The following DPP6 variants were observed in gnomAD, a reference collection of about 807,000 sequenced individuals.
DPP6 encodes the protein dipeptidyl peptidase like 6, also known as A-type potassium channel modulatory protein DPP6.
In DPP6, 69 loss-of-function variants were observed where a neutral mutation model predicts 122.6. The observed-to-expected ratio is 0.56, with a 90% CI of 0.46 to 0.69. The LOEUF (loss-of-function observed/expected upper bound fraction) is 0.69. Ranked by LOEUF, DPP6 falls within the 30% of genes least tolerant of loss-of-function variation. The pLI is 0.00. For missense variants in DPP6, 928 were observed against 1,116.9 expected, an observed-to-expected ratio of 0.83 and a Z score of 2.41; for synonymous variants, 418 against 433.1, an observed-to-expected ratio of 0.97 and a Z score of 0.43.
chr7:154,834,084 G>A (rs930067064), intron 16 of DPP6, among the ~76,000 whole-genome samples: 3 of 152,060 alleles, frequency 2.0e-5, no homozygotes, highest in Admixed American at 6.5e-5. Flanking sequence ...CAGGGTGGGC[G>A]GACACTCAGC....
At chr7:153,748,209 G>A in the DPP6 span, among the ~76,000 whole-genome samples, 1 of 151,992 alleles carries the variant, frequency 6.6e-6, no homozygotes. Flanking sequence ...CTCCTCCTCC[G>A]CCCACTCCAC....
intron 5 of DPP6, among the ~76,000 whole-genome samples, chr7:154,599,999 T>C (rs1474387713): frequency 6.6e-6 from 1 of 152,210 alleles, no homozygotes; most frequent in Non-Finnish European, 1.5e-5. Flanking sequence ...TCTATCCTTT[T>C]CTTCATAAAA....
chr7:153,870,581 T>G, the DPP6 span, among the ~76,000 whole-genome samples: 1 of 152,196 alleles, frequency 6.6e-6, no homozygotes, highest in Admixed American at 6.5e-5. Flanking sequence ...TTAACTTCTT[T>G]GCCATTGGTT....
At chr7:154,882,002 A>C (rs920416353) in intron 21 of DPP6, among the ~76,000 whole-genome samples, 1 of 152,202 alleles carries the variant, frequency 6.6e-6, no homozygotes, top group African/African-American at 2.4e-5. Flanking sequence ...ACTTCCCAGC[A>C]GACTGGCAGC....
intron 1 of DPP6, among the ~76,000 whole-genome samples, chr7:154,044,062 T>A (rs1233000108): frequency 1.3e-5 from 2 of 151,034 alleles, no homozygotes; most frequent in African/African-American, 2.4e-5. Flanking sequence ...CAGCTGAGAG[T>A]CACTGTTGTT....
chr7:154,284,318 A>C, intron 1 of DPP6, among the ~76,000 whole-genome samples: 1 of 152,248 alleles, frequency 6.6e-6, no homozygotes, highest in Admixed American at 6.5e-5. Context: ...TTAACAAATT[A>C]GTTATGTTTC....
chr7:154,803,437 TTC>T (rs1479389557), intron 13 of DPP6, among the ~76,000 whole-genome samples: 6 of 152,198 alleles, frequency 3.9e-5, no homozygotes, highest in African/African-American at 7.2e-5. Context: ...CCGTTTATTC[TTC>T]TCTCTTTTTC....
At position 154,196,218 on chromosome 7, in the gene DPP6, G is replaced by A. The variant is rs1003418137; in HGVS notation, c.243+143155G>A. On this transcript the variant is annotated intron_variant, in intron 1 of 25. Transcript: ENST00000377770. ...AAGAACTTACAAATGGGCCGGGCAC[G>A]GTGGCTCATGCCTGTAATCCCAGCA... 3.3e-5 allele frequency among the ~76,000 whole-genome samples: 5 copies of A among 152,264 alleles called. No individual in the cohort carries two copies. In the East Asian group the frequency reaches 5.8e-4, roughly 18 times the overall value.
At chr7:154,301,497 G>A (rs137956575) in intron 1 of DPP6, among the ~76,000 whole-genome samples, 119 of 152,200 alleles carry the variant, frequency 7.8e-4, no homozygotes, top group African/African-American at 2.6e-3. Context: ...CTCTTGGTCT[G>A]CACAACTTTA....
intron 4 of DPP6, among the ~76,000 whole-genome samples, chr7:154,566,374 C>A (rs1163035020): frequency 2.6e-5 from 4 of 152,112 alleles, no homozygotes; most frequent in Non-Finnish European, 5.9e-5. Flanking sequence ...CTCTGCCTCC[C>A]AGGTTCAAGT....
At chr7:154,682,525 A>T (rs188783398) in intron 7 of DPP6, among the ~76,000 whole-genome samples, 7 of 152,262 alleles carry the variant, frequency 4.6e-5, no homozygotes, top group Admixed American at 3.9e-4. Context: ...AGGGCCTCAG[A>T]GGTTATTGTC....
In DPP6 at chr7:154,569,637, G is replaced by A. The variant is rs150432866; in HGVS notation, c.627+2721G>A. Among the ~76,000 whole-genome samples the A allele has an allele frequency of 2.9e-4, 44 of 151,306 alleles. 1 individual carries two copies. The East Asian group carries it at 8.2e-3, about 28-fold the overall frequency. ...AAGACTATCATAAAATTGTTTTAGTGTAAACCAACTGTCCAATTACTAGAT... is the reference window on the plus strand; with the variant it reads ...AAGACTATCATAAAATTGTTTTAGTATAAACCAACTGTCCAATTACTAGAT... On this transcript the variant is annotated intron_variant, in intron 5 of 25. Coordinates refer to ENST00000377770, the MANE Select transcript of DPP6 (RefSeq NM_130797.4).
At chr7:154,407,692 G>T (rs1816237784) in intron 1 of DPP6, among the ~76,000 whole-genome samples, 1 of 152,160 alleles carries the variant, frequency 6.6e-6, no homozygotes, top group Non-Finnish European at 1.5e-5. Flanking sequence ...AGAAGACTTA[G>T]ACCCTAAGTC....
At chr7:154,323,470 CAG>C (rs1808152774) in intron 1 of DPP6, among the ~76,000 whole-genome samples, 1 of 152,178 alleles carries the variant, frequency 6.6e-6, no homozygotes, top group Non-Finnish European at 1.5e-5. Flanking sequence ...ACCTTGATGA[CAG>C]ATGATTTCGT....
chr7:154,275,256 C>T (rs1007742581), intron 1 of DPP6, among the ~76,000 whole-genome samples: 1 of 152,232 alleles, frequency 6.6e-6, no homozygotes, highest in Non-Finnish European at 1.5e-5. Flanking sequence ...CTCCTAGAGT[C>T]CTCTGCAGGG....
intron 1 of DPP6, among the ~76,000 whole-genome samples, chr7:154,260,191 G>T (rs1802903207): frequency 6.6e-6 from 1 of 152,192 alleles, no homozygotes; most frequent in South Asian, 2.1e-4. Flanking sequence ...GAGGATGTGG[G>T]CTGGAGTCCA....
At chr7:154,843,971 C>T (rs1474473184) in intron 16 of DPP6, among the ~76,000 whole-genome samples, 1 of 152,260 alleles carries the variant, frequency 6.6e-6, no homozygotes, top group South Asian at 2.1e-4. Context: ...TCCCCAGCAG[C>T]TAGCACCATG....
At chr7:154,689,741 A>G (rs1839832336) in intron 7 of DPP6, among the ~76,000 whole-genome samples, 1 of 152,222 alleles carries the variant, frequency 6.6e-6, no homozygotes, top group Non-Finnish European at 1.5e-5. Context: ...CAACAAATCT[A>G]CGAAAGCAGG....
chr7:154,481,344 G>GT lies in DPP6; in HGVS notation c.457+6307_457+6308insT, dbSNP rs1554564216. ...CTATACACTTGGAGAGAGAGAGAGA[G>GT]GGGTGTGTGTGTGTGTGTGTGTGTG... On this transcript the variant is annotated intron_variant, in intron 3 of 25. Coordinates refer to ENST00000377770, the MANE Select transcript of DPP6 (RefSeq NM_130797.4). The surrounding 1 kb of genome is among the most constrained non-coding windows in gnomAD (Gnocchi z 4.2). Among the ~76,000 whole-genome samples, 5 of 30,880 alleles carry GT rather than the reference G, an allele frequency of 1.6e-4. No individual in the cohort carries two copies. Among genetic ancestry groups the GT allele is most frequent in the South Asian group, 4.2e-3 (1 of 240 alleles). 20.3% of individuals were successfully genotyped at this position (30,880 alleles called of 152,430 possible).
Sources: allele counts gnomAD v4.1 joint callset (sites outside exome capture counted in the v4.1 genomes callset), GRCh38; gene constraint gnomAD v4.1.1; non-coding constraint Gnocchi (gnomAD v3.1); transcripts MANE v1.5; gene names NCBI Gene and HGNC (gene_info 2026-07-23, HGNC 2026-07-21).